Variants in ZHX2 observed in about 807,000 individuals in gnomAD.
ZHX2 encodes zinc fingers and homeoboxes protein 2.
A neutral mutation model predicts 21.9 loss-of-function variants in ZHX2; 6 were observed. The ratio of observed to expected loss-of-function variants is 0.27; its 90% CI spans 0.15 to 0.54. The LOEUF is 0.54. Among genes scored for constraint, ZHX2 ranks in the 20% least tolerant of loss-of-function variants. The pLI, the probability that ZHX2 is intolerant of heterozygous loss-of-function variation, is 0.95. For missense variants in ZHX2, 908 were observed against 1,090.7 expected, an observed-to-expected ratio of 0.83 and a Z score of 2.36; for synonymous variants, 434 against 437.1, an observed-to-expected ratio of 0.99 and a Z score of 0.09.
intron 2 of ZHX2, among the ~76,000 whole-genome samples, chr8:122,913,173 G>A (rs1323203940): frequency 6.6e-6 from 1 of 152,200 alleles, no homozygotes; most frequent in African/African-American, 2.4e-5. Context: ...TGGTTTTAAG[G>A]TTTATACATG....
chr8:122,935,149 C>A (rs1200973626), intron 2 of ZHX2, among the ~76,000 whole-genome samples: 2 of 150,682 alleles, frequency 1.3e-5, no homozygotes, highest in Non-Finnish European at 2.9e-5. Flanking sequence ...TTTTTCCTCT[C>A]TCTGTGTCTT....
chr8:122,903,855 G>C (rs1325341320), intron 2 of ZHX2, among the ~76,000 whole-genome samples: 1 of 152,032 alleles, frequency 6.6e-6, no homozygotes, highest in Admixed American at 6.6e-5. Flanking sequence ...GGAAAGAGAG[G>C]GGAATGAATA....
chr8:122,863,937 G>A (rs529454745), intron 2 of ZHX2, among the ~76,000 whole-genome samples: 142 of 152,222 alleles, frequency 9.3e-4, no homozygotes, highest in Non-Finnish European at 1.2e-3. Context: ...CGAGGAGACA[G>A]TGCTAAAGTG....
At chr8:122,877,484 T>C (rs1342916745) in intron 2 of ZHX2, among the ~76,000 whole-genome samples, 2 of 152,240 alleles carry the variant, frequency 1.3e-5, no homozygotes, top group African/African-American at 4.8e-5. Flanking sequence ...ATGTCATCAT[T>C]GTTATCCTCA....
intron 1 of ZHX2, among the ~76,000 whole-genome samples, chr8:122,789,815 G>T (rs1817475679): frequency 6.6e-6 from 1 of 152,206 alleles, no homozygotes; most frequent in Non-Finnish European, 1.5e-5. Flanking sequence ...TCATTATCTT[G>T]TAGAACTGCC....
chr8:122,933,437 T>A (rs763268409), intron 2 of ZHX2, among the ~76,000 whole-genome samples: 6 of 152,122 alleles, frequency 3.9e-5, no homozygotes, highest in Non-Finnish European at 7.4e-5. Flanking sequence ...TTAGCAAGAT[T>A]TTTTTTTCTG....
At chr8:122,958,018 G>A (rs930516400) in intron 3 of ZHX2, among the ~76,000 whole-genome samples, 1 of 152,192 alleles carries the variant, frequency 6.6e-6, no homozygotes, top group African/African-American at 2.4e-5. Context: ...GTTCAGTTAT[G>A]ACACATAATA....
intron 3 of ZHX2, among the ~76,000 whole-genome samples, chr8:122,969,557 G>A (rs955491150): frequency 6.6e-5 from 10 of 152,066 alleles, no homozygotes; most frequent in African/African-American, 1.5e-4. Context: ...ATAAAGCTAG[G>A]GCAAAGAGGG....
At chr8:122,868,121 G>A (rs989394690) in intron 2 of ZHX2, among the ~76,000 whole-genome samples, 13 of 152,136 alleles carry the variant, frequency 8.5e-5, no homozygotes, top group Non-Finnish European at 1.3e-4. Context: ...TGAGTCATAC[G>A]GTGATTCGGC....
intron 1 of ZHX2, chr8:122,807,610 G>C (rs1183072294): frequency 6.6e-6 from 1 of 152,262 alleles, no homozygotes; most frequent in Non-Finnish European, 1.5e-5. Flanking sequence ...GTGAGACTGT[G>C]GTGGGTGGTG....
At chr8:122,871,942 T>A (rs1819452289) in intron 2 of ZHX2, among the ~76,000 whole-genome samples, 1 of 152,112 alleles carries the variant, frequency 6.6e-6, no homozygotes, top group Non-Finnish European at 1.5e-5. Flanking sequence ...TACCAACCTA[T>A]AGATGTGTTC....
At chr8:122,847,371 C>G (rs1818775970) in intron 1 of ZHX2, among the ~76,000 whole-genome samples, 1 of 152,216 alleles carries the variant, frequency 6.6e-6, no homozygotes, top group Non-Finnish European at 1.5e-5. Flanking sequence ...AGGTGGCCTT[C>G]CCTCTGCCTG....
At chr8:122,808,892 G>A (rs1341804156) in intron 1 of ZHX2, 7 of 152,218 alleles carry the variant, frequency 4.6e-5, no homozygotes, top group South Asian at 2.1e-4. Flanking sequence ...TATTGTCAAT[G>A]TTGTTTCATT....
At chr8:122,841,097 C>A (rs1222984031) in intron 1 of ZHX2, among the ~76,000 whole-genome samples, 3 of 152,164 alleles carry the variant, frequency 2.0e-5, no homozygotes, top group African/African-American at 7.2e-5. Context: ...GTCTTTCTTT[C>A]GTTTTAGCAG....
intron 2 of ZHX2, among the ~76,000 whole-genome samples, chr8:122,867,994 C>T (rs1005876139): frequency 1.3e-5 from 2 of 152,112 alleles, no homozygotes; most frequent in Admixed American, 6.5e-5. Flanking sequence ...AATTCTTCAG[C>T]CTGAGTTCCT....
chr8:122,811,524 C>G (rs193189796), intron 1 of ZHX2, among the ~76,000 whole-genome samples: 4 of 152,370 alleles, frequency 2.6e-5, no homozygotes, highest in African/African-American at 9.6e-5. Flanking sequence ...ACAAGGGGAA[C>G]TGGGAGCCTG....
At chr8:122,937,575 G>A (rs922874558) in intron 2 of ZHX2, among the ~76,000 whole-genome samples, 3 of 127,698 alleles carry the variant, frequency 2.3e-5, no homozygotes, top group Middle Eastern at 3.4e-3. Flanking sequence ...AAATTGGATC[G>A]TCTATTATCT....
chr8:122,866,289 A>T (rs1819294185), intron 2 of ZHX2, among the ~76,000 whole-genome samples: 1 of 152,186 alleles, frequency 6.6e-6, no homozygotes, highest in Non-Finnish European at 1.5e-5. Flanking sequence ...GTGTCGCCAG[A>T]TTCCCATAGT....
At chr8:122,942,983 C>T (rs886864138) in intron 2 of ZHX2, among the ~76,000 whole-genome samples, 1 of 152,152 alleles carries the variant, frequency 6.6e-6, no homozygotes. Flanking sequence ...CAGTCATGGC[C>T]AGGCACGGTG....
Sources: allele counts gnomAD v4.1 joint callset (sites outside exome capture counted in the v4.1 genomes callset), GRCh38; gene constraint gnomAD v4.1.1; transcripts MANE v1.5; gene names NCBI Gene and HGNC (gene_info 2026-07-23, HGNC 2026-07-21).